Variants in OR14A2 observed in about 807,000 individuals in gnomAD.
OR14A2 encodes the protein olfactory receptor family 14 subfamily A member 2, also known as olfactory receptor 14A2.
For synonymous variants in OR14A2, 114 were observed against 58.6 expected, an observed-to-expected ratio of 1.95 and a Z score of -4.32; for missense variants, 237 against 152.9, an observed-to-expected ratio of 1.55 and a Z score of -2.90.
the OR14A2 span, chr1:247,739,295 A>G: frequency 1.3e-6 from 1 of 780,816 alleles, no homozygotes; most frequent in South Asian, 1.3e-5. Context: ...TAAGGATATC[A>G]CAGAGACAGA....
chr1:247,728,552 T>C (rs962415062), upstream of OR14A2, among the ~76,000 whole-genome samples: 1 of 151,990 alleles, frequency 6.6e-6, no homozygotes, highest in Non-Finnish European at 1.5e-5. Flanking sequence ...CTATTCAACA[T>C]AGTGTTGGAA....
chr1:247,723,063 T>C (rs1452040978), downstream of OR14A2: 9 of 643,464 alleles, frequency 1.4e-5, no homozygotes, highest in Admixed American at 2.1e-4. Context: ...TCTTGTGATC[T>C]GTAAGGCACT....
exon 1 of OR14A2, chr1:247,723,167 T>C: frequency 1.4e-6 from 1 of 717,698 alleles, no homozygotes; most frequent in East Asian, 2.7e-5. Flanking sequence ...TTCATGTCAT[T>C]GTTCCGCAGG....
At chr1:247,738,974 C>A in the OR14A2 span, 1 of 780,732 alleles carries the variant, frequency 1.3e-6, no homozygotes, top group South Asian at 1.3e-5. Flanking sequence ...CCTATGACCG[C>A]TATGCTGCCA....
At chr1:247,734,671 TA>T in the OR14A2 span, among the ~76,000 whole-genome samples, 1 of 152,184 alleles carries the variant, frequency 6.6e-6, no homozygotes, top group African/African-American at 2.4e-5. Flanking sequence ...AGGAATACCT[TA>T]AAAATCAATA....
chr1:247,735,114 T>C, the OR14A2 span, among the ~76,000 whole-genome samples: 2 of 152,178 alleles, frequency 1.3e-5, no homozygotes, highest in Non-Finnish European at 2.9e-5. Flanking sequence ...GAAAATTCGG[T>C]GCTCTTGGGA....
the OR14A2 span, chr1:247,739,317 G>T: frequency 1.3e-6 from 1 of 780,780 alleles, no homozygotes; most frequent in East Asian, 2.4e-5. Flanking sequence ...ACAATCCAAA[G>T]CCTTTTCCAA....
the OR14A2 span, among the ~76,000 whole-genome samples, chr1:247,736,116 G>T: frequency 6.6e-6 from 1 of 151,502 alleles, no homozygotes; most frequent in Non-Finnish European, 1.5e-5. Flanking sequence ...CTCGAGAATG[G>T]AAACATTTTC....
the OR14A2 span, among the ~76,000 whole-genome samples, chr1:247,735,914 T>C: frequency 6.6e-6 from 1 of 152,206 alleles, no homozygotes; most frequent in Non-Finnish European, 1.5e-5. Context: ...CCTAAATTAC[T>C]TAGACATTTC....
chr1:247,741,745 T>G, the OR14A2 span, among the ~76,000 whole-genome samples: 3 of 152,254 alleles, frequency 2.0e-5, no homozygotes, highest in Non-Finnish European at 2.9e-5. Flanking sequence ...CTATTGGTCA[T>G]GTAGTTCTAC....
At chr1:247,746,971 T>TA in the OR14A2 span, 2 of 152,188 alleles carry the variant, frequency 1.3e-5, no homozygotes, top group African/African-American at 2.4e-5. Flanking sequence ...CTTAGATACT[T>TA]AAAAAAGGTA....
chr1:247,745,147 T>C, the OR14A2 span, among the ~76,000 whole-genome samples: 1 of 152,192 alleles, frequency 6.6e-6, no homozygotes, highest in African/African-American at 2.4e-5. Flanking sequence ...AAACTAAGAA[T>C]AATAGTATAT....
At chr1:247,732,392 C>G in the OR14A2 span, among the ~76,000 whole-genome samples, 3 of 152,116 alleles carry the variant, frequency 2.0e-5, no homozygotes, top group African/African-American at 7.2e-5. Flanking sequence ...CAACACTTCT[C>G]CAAGTGAACA....
At chr1:247,727,587 G>T (rs1234177451), upstream of OR14A2, among the ~76,000 whole-genome samples, 2 of 149,274 alleles carry the variant, frequency 1.3e-5, no homozygotes, top group Non-Finnish European at 3.0e-5. Context: ...CAGAACTGAA[G>T]GAAATAGAGA....
chr1:247,738,690 G>A, the OR14A2 span: 3 of 780,696 alleles, frequency 3.8e-6, no homozygotes, highest in African/African-American at 3.4e-5. Context: ...GAGGCTGCAT[G>A]CTTTGCTCTT....
upstream of OR14A2, among the ~76,000 whole-genome samples, chr1:247,727,495 A>G (rs1394533087): frequency 2.0e-5 from 3 of 151,998 alleles, no homozygotes; most frequent in East Asian, 5.8e-4. Context: ...TGACACCCTA[A>G]CATCACAATT....
chr1:247,723,788 G>C (rs1205326533), exon 1 of OR14A2: 2 of 718,142 alleles, frequency 2.8e-6, no homozygotes, highest in Non-Finnish European at 5.2e-6. Context: ...GAATTGTTGT[G>C]GGTTAGGTTG....
At chr1:247,739,733 CT>C in the OR14A2 span, among the ~76,000 whole-genome samples, 17 of 143,746 alleles carry the variant, frequency 1.2e-4, no homozygotes, top group Admixed American at 2.7e-4. Context: ...AATTTTTGCA[CT>C]TTTTTTTTTT....
At chr1:247,745,907 G>T in the OR14A2 span, among the ~76,000 whole-genome samples, 1 of 152,108 alleles carries the variant, frequency 6.6e-6, no homozygotes. Context: ...GTAAAATGAG[G>T]CAGCTCCTGT....
Sources: gnomAD v4.1 joint callset for allele counts (sites outside exome capture counted in the v4.1 genomes callset) on GRCh38, gnomAD v4.1.1 for gene constraint, MANE v1.5 for transcripts, NCBI Gene and HGNC (gene_info 2026-07-23, HGNC 2026-07-21) for gene names.